The following DIPK1C variants were observed in gnomAD, a reference collection of about 807,000 sequenced individuals.
DIPK1C encodes the protein divergent protein kinase domain 1C.
A neutral mutation model predicts 28.0 loss-of-function variants in DIPK1C; 33 were observed. That is an observed-to-expected ratio of 1.18 (90% confidence interval 0.89 to 1.58). DIPK1C has a LOEUF of 1.58. Among genes scored for constraint, DIPK1C ranks in the 40% most tolerant of loss-of-function variants. The pLI is 0.00. For synonymous variants in DIPK1C, 255 were observed against 248.8 expected (o/e 1.02, Z -0.23); for missense variants, 569 against 568.5 (o/e 1.00, Z -0.01).
At chr18:74,444,795 C>T (rs557007625) in intron 2 of DIPK1C, among the ~76,000 whole-genome samples, 29 of 152,232 alleles carry the variant, frequency 1.9e-4, no homozygotes, top group Admixed American at 1.1e-3. Flanking sequence ...GAGCCCTGAG[C>T]GGTGCAGCAC....
At position 74,442,134 on chromosome 18, in the gene DIPK1C, C is replaced by T. The variant is rs377547519; in HGVS notation, c.877-18G>A. The T allele has an allele frequency of 3.3e-5, 54 of 1,612,992 alleles. No individual in the cohort carries two copies. The highest frequency in any genetic ancestry group is 9.9e-5 in the South Asian group (9 of 90,958). ...GCCACCACCTGTAATCAAAACAGCA[C>T]GGGGCTATCAAAGGGCTACTGGTGG... On this transcript the variant is annotated intron_variant, in intron 2 of 3. Coordinates refer to ENST00000343998, the MANE Select transcript of DIPK1C (RefSeq NM_001044369.3).
intron 2 of DIPK1C, 125 bp downstream of exon 2, chr18:74,446,480 TA>T: frequency 2.2e-6 from 2 of 928,476 alleles, no homozygotes; most frequent in Non-Finnish European, 1.5e-6. Context: ...GGGAGTTCTC[TA>T]AGGCTGCAGA....
chr18:74,443,380 C>G (rs975133901), intron 2 of DIPK1C, among the ~76,000 whole-genome samples: 4 of 152,164 alleles, frequency 2.6e-5, no homozygotes, highest in Admixed American at 1.3e-4. Context: ...ATTTCACAAG[C>G]CTTCACAGGT....
upstream of DIPK1C, among the ~76,000 whole-genome samples, chr18:74,462,289 T>G (rs1360855235): frequency 1.3e-5 from 2 of 152,230 alleles, no homozygotes; most frequent in Non-Finnish European, 2.9e-5. Context: ...CTAATCAGTC[T>G]CTACAGCTGG....
At position 74,436,404 on chromosome 18, in the gene DIPK1C, A is replaced by G. The variant is rs961551294; in HGVS notation, c.*97T>C. On this transcript the variant is annotated 3_prime_UTR_variant, in exon 4 of 4. Coordinates refer to ENST00000343998, the MANE Select transcript of DIPK1C (RefSeq NM_001044369.3). ...TGTGGAGACCAGAACGGCACCCCAG[A>G]GAGCACAGGGGAAATGGCTCATCTT... 1 of 1,226,948 alleles carries G rather than the reference A, an allele frequency of 8.2e-7. No individual in the cohort carries two copies. Among genetic ancestry groups the G allele is most frequent in the Admixed American group, 2.5e-5 (1 of 40,078 alleles). The allele number at this position is 1,226,948 out of a possible 1,614,324, so 76.0% of individuals were successfully genotyped here.
At chr18:74,442,673 C>T (rs1379134325) in intron 2 of DIPK1C, among the ~76,000 whole-genome samples, 3 of 152,214 alleles carry the variant, frequency 2.0e-5, no homozygotes, top group Non-Finnish European at 4.4e-5. Flanking sequence ...CAGCGGAAGG[C>T]TTTAACTGCA....
chr18:74,436,858 A>C (rs1599033786), intron 3 of DIPK1C, 139 bp from the exon 4 acceptor site: 1 of 752,406 alleles, frequency 1.3e-6, no homozygotes, highest in Non-Finnish European at 2.1e-6. Flanking sequence ...CACTCCAGAG[A>C]CCATCCGATT....
upstream of DIPK1C, among the ~76,000 whole-genome samples, chr18:74,461,358 TCC>T (rs1224516794): frequency 1.3e-5 from 2 of 148,842 alleles, no homozygotes; most frequent in Non-Finnish European, 3.0e-5. Context: ...CTTCCTTCCT[TCC>T]TTCCTTCCTT....
intron 2 of DIPK1C, 86 bp downstream of exon 2, chr18:74,446,520 G>A (rs1986263993): frequency 7.7e-7 from 1 of 1,294,074 alleles, no homozygotes; most frequent in Non-Finnish European, 1.0e-6. Context: ...ACTCAGGCCA[G>A]GAGCTCAGAA....
chr18:74,458,675 GCT>G (rs1475262139), upstream of DIPK1C, among the ~76,000 whole-genome samples: 1 of 21,200 alleles, frequency 4.7e-5, no homozygotes, highest in Non-Finnish European at 8.2e-5. Flanking sequence ...GCCAGGTGAA[GCT>G]CTCTCTGTGT....
chr18:74,458,906 T>C (rs902554517), upstream of DIPK1C, among the ~76,000 whole-genome samples: 21 of 149,790 alleles, frequency 1.4e-4, no homozygotes, highest in African/African-American at 5.3e-4. Context: ...GGCAGAAGGA[T>C]TGCTTGAGGC....
rs1032510189 is a variant in DIPK1C at position 74,441,876 on chromosome 18, G to C, written c.1041+76C>G. The C allele has an allele frequency of 2.7e-6, 4 of 1,479,124 alleles. No individual in the cohort carries two copies. In the African/African-American group the frequency reaches 5.6e-5, roughly 21 times the overall value. 91.6% of individuals were successfully genotyped at this position (1,479,124 alleles called of 1,614,324 possible). ...AAAGGTCGACCTTGAGCTCCACTGA[G>C]GGTATCTGAAGAGCTAGCGGGCAGA... On this transcript the variant is annotated intron_variant, in intron 3 of 3. Transcript: ENST00000343998.
upstream of DIPK1C, among the ~76,000 whole-genome samples, chr18:74,461,627 C>A (rs150275691): frequency 3.2e-4 from 48 of 152,062 alleles, no homozygotes; most frequent in East Asian, 8.3e-3. Flanking sequence ...CCTCTGCCTC[C>A]CATAGTTCTG....
intron 1 of DIPK1C, among the ~76,000 whole-genome samples, chr18:74,455,734 AAGAAAAAGAAAAAG>A (rs1355710048): frequency 1.5e-5 from 2 of 129,308 alleles, no homozygotes; most frequent in Non-Finnish European, 3.3e-5. Context: ...ATAAAAAAAA[AAGAAAAAGAAAAAG>A]AAAAAAAAAA....
chr18:74,446,835 C>A lies in DIPK1C; in HGVS notation c.647G>T (p.Cys216Phe). 1 of 1,501,818 alleles carries A rather than the reference C, an allele frequency of 6.7e-7. No homozygotes were observed. The highest frequency in any genetic ancestry group is 8.9e-7 in the Non-Finnish European group (1 of 1,120,366). The allele number at this position is 1,501,818 out of a possible 1,614,324, so 93.0% of individuals were successfully genotyped here. ...SPHVLPVLGS[C>F]GHFYAVEFLA... The stretch of plus-strand genomic sequence containing the variant: ...GAACTCCACCGCGTAGAAGTGGCCG[C>A]AGGAACCCAGCACGGGCAGCACGTG... The change falls in exon 2 of 4, where the codon TGC (cysteine) becomes TTC (phenylalanine). Residue 216 changes from cysteine (C) to phenylalanine (F), a missense_variant. Coordinates refer to ENST00000343998, the MANE Select transcript of DIPK1C (RefSeq NM_001044369.3).
chr18:74,454,888 A>G (rs1986472307), intron 1 of DIPK1C, among the ~76,000 whole-genome samples: 1 of 152,116 alleles, frequency 6.6e-6, no homozygotes, highest in African/African-American at 2.4e-5. Context: ...GCAGGAAGAC[A>G]GGGGGAGAAA....
intron 1 of DIPK1C, among the ~76,000 whole-genome samples, chr18:74,455,514 G>A (rs1023902867): frequency 5.9e-5 from 9 of 151,940 alleles, no homozygotes; most frequent in African/African-American, 1.5e-4. Flanking sequence ...AAACTGGCCC[G>A]GTGTGGTGGT....
chr18:74,449,541 C>T (rs1986350009), intron 1 of DIPK1C, among the ~76,000 whole-genome samples: 1 of 152,242 alleles, frequency 6.6e-6, no homozygotes, highest in Non-Finnish European at 1.5e-5. Flanking sequence ...AGCTGTCTGA[C>T]TGCCCCCCTG....
chr18:74,447,481 C>T lies in DIPK1C; in HGVS notation c.199-198G>A, dbSNP rs1568264363. On this transcript the variant is annotated intron_variant, in intron 1 of 3. Transcript: ENST00000343998. This position sits in a 1 kb window ranked among gnomAD's most constrained non-coding sequence, Gnocchi z 4.1. ...TCAGAGGAAGGTTAAAGGAGCCGCT[C>T]ACAGTCATTACACGACTCAGTCAGG... Among the ~76,000 whole-genome samples, 2 of 152,204 alleles carry T rather than the reference C, an allele frequency of 1.3e-5. No homozygotes were observed. Among genetic ancestry groups the T allele is most frequent in the Non-Finnish European group, 2.9e-5 (2 of 68,030 alleles).
Sources: gnomAD v4.1 joint callset for allele counts (sites outside exome capture counted in the v4.1 genomes callset) on GRCh38, gnomAD v4.1.1 for gene constraint, Gnocchi (gnomAD v3.1) non-coding constraint, MANE v1.5 for transcripts, NCBI Gene and HGNC (gene_info 2026-07-23, HGNC 2026-07-21) for gene names.